ADK: variants seen among roughly 807,000 people sequenced by gnomAD.
ADK encodes the protein adenosine kinase, also known as N6,N6-dimethyladenosine kinase.
In ADK, 24 loss-of-function variants were observed where a neutral mutation model predicts 44.7. The observed-to-expected ratio is 0.54, with a 90% confidence interval of 0.39 to 0.76. The LOEUF (loss-of-function observed/expected upper bound fraction) is 0.76. ADK is among the 30% of genes least tolerant of loss of function. The pLI is 0.00. For synonymous variants in ADK, 128 were observed against 142.6 expected, an observed-to-expected ratio of 0.90 and a Z score of 0.73; for missense variants, 321 against 425.1, an observed-to-expected ratio of 0.76 and a Z score of 2.15.
intron 7 of ADK, among the ~76,000 whole-genome samples, chr10:74,554,053 TA>T (rs1451025874): frequency 6.6e-6 from 1 of 152,232 alleles, no homozygotes; most frequent in Non-Finnish European, 1.5e-5. Context: ...TCTTTTGCCT[TA>T]TTGCATATGC....
intron 3 of ADK, among the ~76,000 whole-genome samples, chr10:74,293,562 T>C (rs1432620971): frequency 6.6e-6 from 1 of 152,082 alleles, no homozygotes; most frequent in Non-Finnish European, 1.5e-5. Context: ...TTAATCTGCC[T>C]TGGGGTACTA....
chr10:74,569,111 A>G (rs577076493), intron 7 of ADK, among the ~76,000 whole-genome samples: 8 of 152,194 alleles, frequency 5.3e-5, no homozygotes, highest in African/African-American at 1.9e-4. Context: ...TGAACTCATC[A>G]TTTTTTATGG....
chr10:74,365,419 G>A (rs929171809), intron 4 of ADK, among the ~76,000 whole-genome samples: 3 of 152,158 alleles, frequency 2.0e-5, no homozygotes, highest in African/African-American at 4.8e-5. Flanking sequence ...GAATAATGTC[G>A]TGGAGGTGCA....
chr10:74,267,621 A>G (rs1846257249), intron 3 of ADK, among the ~76,000 whole-genome samples: 2 of 152,188 alleles, frequency 1.3e-5, no homozygotes, highest in Non-Finnish European at 2.9e-5. Context: ...TGGATCACAT[A>G]TCTAAAAAGA....
chr10:74,188,191 C>T (rs920461518), intron 1 of ADK, among the ~76,000 whole-genome samples: 1 of 151,948 alleles, frequency 6.6e-6, no homozygotes, highest in African/African-American at 2.4e-5. Context: ...TCTGTTATTG[C>T]CTGTATGAAC....
chr10:74,458,128 T>C (rs1314418353), intron 6 of ADK, among the ~76,000 whole-genome samples: 2 of 132,052 alleles, frequency 1.5e-5, no homozygotes, highest in South Asian at 5.3e-4. Flanking sequence ...ACTTTTTTTT[T>C]TTTTTTTTTT....
At chr10:74,470,575 C>CATTGTGGATTTGATTTT in intron 6 of ADK, among the ~76,000 whole-genome samples, 1 of 19,490 alleles carries the variant, frequency 5.1e-5, no homozygotes, top group African/African-American at 1.3e-4. Flanking sequence ...TTCAATTTCT[C>CATTGTGGATTTGATTTT]CACATTCTGT....
At chr10:74,349,931 C>T (rs1412211306) in intron 4 of ADK, among the ~76,000 whole-genome samples, 1 of 152,164 alleles carries the variant, frequency 6.6e-6, no homozygotes, top group Non-Finnish European at 1.5e-5. Context: ...CAGAGACCTA[C>T]AAAGATACTT....
intron 6 of ADK, among the ~76,000 whole-genome samples, chr10:74,404,395 A>G (rs1843833658): frequency 6.6e-6 from 1 of 152,146 alleles, no homozygotes; most frequent in African/African-American, 2.4e-5. Context: ...TTAGAATTAG[A>G]TTTCCATCTG....
At chr10:74,374,984 C>G (rs1476094578) in intron 4 of ADK, among the ~76,000 whole-genome samples, 2 of 152,030 alleles carry the variant, frequency 1.3e-5, no homozygotes, top group Non-Finnish European at 1.5e-5. Flanking sequence ...CTTCTCATGA[C>G]TTTATTTGTG....
chr10:74,559,172 C>T (rs997661851), intron 7 of ADK, among the ~76,000 whole-genome samples: 3 of 152,250 alleles, frequency 2.0e-5, no homozygotes, highest in African/African-American at 7.2e-5. Context: ...TGTGTGTCAG[C>T]ACTGCTCCCT....
intron 7 of ADK, among the ~76,000 whole-genome samples, chr10:74,534,977 G>A (rs1849403508): frequency 6.6e-6 from 1 of 152,140 alleles, no homozygotes; most frequent in Non-Finnish European, 1.5e-5. Flanking sequence ...ATGAATGCAA[G>A]TAGAATGAGA....
chr10:74,584,174 T>C (rs1851457496), intron 7 of ADK, among the ~76,000 whole-genome samples: 1 of 152,174 alleles, frequency 6.6e-6, no homozygotes, highest in Non-Finnish European at 1.5e-5. Context: ...ACACATATAA[T>C]CCACAGATGG....
intron 6 of ADK, among the ~76,000 whole-genome samples, chr10:74,517,388 C>T (rs1489339351): frequency 6.6e-6 from 1 of 151,850 alleles, no homozygotes; most frequent in Non-Finnish European, 1.5e-5. Context: ...GTATTTTAAT[C>T]CTTAAACAGA....
chr10:74,359,941 G>A (rs1842280485), intron 4 of ADK, among the ~76,000 whole-genome samples: 1 of 151,830 alleles, frequency 6.6e-6, no homozygotes, highest in Non-Finnish European at 1.5e-5. Flanking sequence ...TTTTCAGGTT[G>A]GTTGCTCTTA....
rs1842870072 is a variant in ADK, at chr10:74,378,114, G to A, written c.274-16027G>A. ...GTCTACCTCATAGGTTTATAATGAA[G>A]ATTGAATCACTTCCCATAATAATCA... On this transcript the variant is annotated intron_variant, in intron 4 of 10. Coordinates refer to ENST00000539909, the MANE Select transcript of ADK (RefSeq NM_006721.4). Among the ~76,000 whole-genome samples, 3 of 151,268 alleles carry A rather than the reference G, an allele frequency of 2.0e-5. 1 individual carries two copies. The South Asian group carries it at 6.3e-4, about 32-fold the overall frequency.
chr10:74,647,517 T>C lies in ADK; in HGVS notation c.878-22666T>C, dbSNP rs79221794. ...CCGAATGAGCGGGGAGATATTACTA[T>C]ATACATACATATAAGTGTATATGCC... is the stretch of plus-strand genomic sequence containing the variant. On this transcript the variant is annotated intron_variant, in intron 9 of 10. Coordinates refer to ENST00000539909, the MANE Select transcript of ADK (RefSeq NM_006721.4). Among the ~76,000 whole-genome samples the C allele has an allele frequency of 3.9e-3, 600 of 152,292 alleles. 3 individuals carry two copies. The highest frequency in any genetic ancestry group is 0.014 in the African/African-American group (580 of 41,564).
chr10:74,366,475 T>C (rs937651499), intron 4 of ADK, among the ~76,000 whole-genome samples: 1 of 152,202 alleles, frequency 6.6e-6, no homozygotes, highest in African/African-American at 2.4e-5. Context: ...TTCCAAACAA[T>C]TGCTAGGTTA....
Position 74,207,594 on chromosome 10 carries a change from G to C in ADK, c.140+6756G>C, listed in dbSNP as rs1231725670. Among the ~76,000 whole-genome samples, 3 of 152,304 alleles carry C rather than the reference G, an allele frequency of 2.0e-5. No homozygotes were observed. The South Asian group carries it at 6.2e-4, about 32-fold the overall frequency. On this transcript the variant is annotated intron_variant, in intron 2 of 10. Coordinates refer to ENST00000539909, the MANE Select transcript of ADK (RefSeq NM_006721.4). ...ACCTCTCAGTGAGATGAGACCCCGA[G>C]GGGGTAACTCCTTTCCACAGTTGGT...
Sources: gnomAD v4.1 joint callset for allele counts (sites outside exome capture counted in the v4.1 genomes callset) on GRCh38, gnomAD v4.1.1 for gene constraint, MANE v1.5 for transcripts, NCBI Gene and HGNC (gene_info 2026-07-23, HGNC 2026-07-21) for gene names.